Variants in GRM7 observed in about 807,000 individuals in gnomAD.
GRM7 encodes the protein glutamate metabotropic receptor 7.
GRM7 carries 35 observed loss-of-function variants against 84.5 expected under a neutral mutation model. The ratio of observed to expected loss-of-function variants is 0.41; its 90% CI spans 0.32 to 0.55. The LOEUF is 0.55. Ranked by LOEUF, GRM7 falls within the 20% of genes least tolerant of loss-of-function variation. GRM7 has a pLI of 0.19. For synonymous variants in GRM7, 487 were observed against 455.1 expected (o/e 1.07, Z -0.89); for missense variants, 1,003 against 1,194.6 (o/e 0.84, Z 2.36).
At chr3:7,284,813 C>G (rs1699373242) in intron 2 of GRM7, among the ~76,000 whole-genome samples, 1 of 152,002 alleles carries the variant, frequency 6.6e-6, no homozygotes, top group Non-Finnish European at 1.5e-5. Flanking sequence ...CCTCCCCCCT[C>G]TATATTACAA....
chr3:6,989,159 CAA>C (rs915659851), intron 1 of GRM7, among the ~76,000 whole-genome samples: 1 of 152,166 alleles, frequency 6.6e-6, no homozygotes, highest in Non-Finnish European at 1.5e-5. Context: ...GCATTTTACA[CAA>C]AGAGATTTCC....
intron 1 of GRM7, among the ~76,000 whole-genome samples, chr3:6,979,391 C>T (rs527308336): frequency 3.0e-4 from 45 of 152,228 alleles, no homozygotes; most frequent in Admixed American, 2.6e-4. Context: ...TTCACCATGA[C>T]GCTTAGAAAC....
chr3:7,377,257 G>A (rs965870001), intron 4 of GRM7, among the ~76,000 whole-genome samples: 1 of 152,140 alleles, frequency 6.6e-6, no homozygotes, highest in Non-Finnish European at 1.5e-5. Context: ...AATGTGTAGA[G>A]TGGAAGTGTG....
intron 7 of GRM7, among the ~76,000 whole-genome samples, chr3:7,545,403 C>A (rs1693098920): frequency 6.6e-6 from 1 of 152,178 alleles, no homozygotes; most frequent in Admixed American, 6.5e-5. Flanking sequence ...GAGTCTAGTG[C>A]TTGCCCCACT....
At position 7,628,737 on chromosome 3, in the gene GRM7, G is replaced by A. The variant is rs112528616; in HGVS notation, c.2451+49380G>A. ...AGTTGAGAGAGGGGCACTGTTTGCA[G>A]TGGAAGGATAAGAAGTGAAAGCAAT... On this transcript the variant is annotated intron_variant, in intron 8 of 9. Coordinates refer to ENST00000357716, the MANE Select transcript of GRM7 (RefSeq NM_000844.4). 2.1e-3 allele frequency among the ~76,000 whole-genome samples: 326 copies of A among 152,312 alleles called. 5 individuals carry two copies. The highest frequency in any genetic ancestry group is 7.6e-3 in the African/African-American group (314 of 41,574).
intron 4 of GRM7, among the ~76,000 whole-genome samples, chr3:7,308,599 G>A (rs1326778156): frequency 6.6e-6 from 1 of 152,152 alleles, no homozygotes; most frequent in African/African-American, 2.4e-5. Context: ...GTACTAAGGA[G>A]TTTGTTACTT....
chr3:7,202,715 A>G (rs1696106018), intron 2 of GRM7, among the ~76,000 whole-genome samples: 2 of 152,198 alleles, frequency 1.3e-5, no homozygotes, highest in Non-Finnish European at 2.9e-5. Context: ...AACTTTATTG[A>G]AGATATAATC....
chr3:7,608,148 T>C (rs115484986), intron 8 of GRM7: 2,793 of 181,202 alleles, frequency 0.015, 88 homozygotes, highest in African/African-American at 0.063. Context: ...GGCATTCAGG[T>C]TGACTCCATG....
intron 7 of GRM7, among the ~76,000 whole-genome samples, chr3:7,533,658 C>A (rs1259290328): frequency 6.6e-6 from 1 of 152,196 alleles, no homozygotes; most frequent in East Asian, 1.9e-4. Context: ...GAAAAGCAAA[C>A]TTTCCTGATA....
intron 8 of GRM7, among the ~76,000 whole-genome samples, chr3:7,644,591 T>C (rs966013582): frequency 1.3e-5 from 2 of 152,226 alleles, no homozygotes; most frequent in African/African-American, 4.8e-5. Flanking sequence ...CTCACCATGC[T>C]GAAGACTGTA....
intron 8 of GRM7, among the ~76,000 whole-genome samples, chr3:7,604,553 C>T (rs953979439): frequency 1.3e-5 from 2 of 152,072 alleles, no homozygotes; most frequent in Admixed American, 1.3e-4. Context: ...ATGCTCAGAC[C>T]CCGTAAAGCC....
At position 7,715,042 on chromosome 3, in the gene GRM7, G is replaced by A. The variant is rs112060298; in HGVS notation, c.2699-25315G>A. The stretch of plus-strand genomic sequence containing the variant: ...CTTGCAGGAACATAGACATGCCTTC[G>A]ATTTGGGAGATAAATAGCCGATTCT... On this transcript the variant is annotated intron_variant, in intron 9 of 9. Coordinates refer to ENST00000357716, the MANE Select transcript of GRM7 (RefSeq NM_000844.4). 2.1e-4 allele frequency among the ~76,000 whole-genome samples: 32 copies of A among 152,286 alleles called. 1 individual carries two copies. Among genetic ancestry groups the A allele is most frequent in the African/African-American group, 7.2e-4 (30 of 41,564 alleles).
intron 8 of GRM7, among the ~76,000 whole-genome samples, chr3:7,634,793 CAA>C (rs59904264): frequency 0.71 from 97,449 of 137,404 alleles, 33,223 homozygotes; most frequent in South Asian, 0.83. Context: ...GACTCTGTCT[CAA>C]AAAAAAAAAA....
intron 1 of GRM7, among the ~76,000 whole-genome samples, chr3:6,865,685 C>T (rs1305872475): frequency 6.6e-6 from 1 of 151,944 alleles, no homozygotes; most frequent in East Asian, 1.9e-4. Context: ...CAATGTTTTC[C>T]TTCTGTTAAT....
At chr3:7,684,759 G>A (rs1379698592) in intron 9 of GRM7, among the ~76,000 whole-genome samples, 1 of 152,002 alleles carries the variant, frequency 6.6e-6, no homozygotes, top group Non-Finnish European at 1.5e-5. Context: ...CGCACTGCTG[G>A]CATATTAGAT....
chr3:7,384,335 T>A (rs1358249563), intron 4 of GRM7, among the ~76,000 whole-genome samples: 2 of 152,166 alleles, frequency 1.3e-5, no homozygotes, highest in East Asian at 3.8e-4. Flanking sequence ...GGCCGAATAA[T>A]ACATTTGTAT....
chr3:7,475,729 A>AT (rs1698896473), intron 7 of GRM7, among the ~76,000 whole-genome samples: 1 of 152,136 alleles, frequency 6.6e-6, no homozygotes. Context: ...ACCATTGAAG[A>AT]TTTTCTGGAA....
In GRM7 at chr3:7,210,490, A is replaced by C. The variant is rs536321290; in HGVS notation, c.736+63822A>C. On this transcript the variant is annotated intron_variant, in intron 2 of 9. Transcript: ENST00000357716. ...AAGAGGGATGTGAAAGTGTAAGGCC[A>C]GGTGTTACAGAAGGTATGTGTTTTT... 6.6e-5 allele frequency among the ~76,000 whole-genome samples: 10 copies of C among 152,376 alleles called. No homozygotes were observed. The East Asian group carries it at 1.9e-3, about 29-fold the overall frequency.
At chr3:7,344,770 G>A (rs190518179) in intron 4 of GRM7, among the ~76,000 whole-genome samples, 2 of 152,124 alleles carry the variant, frequency 1.3e-5, no homozygotes, top group Admixed American at 6.6e-5. Context: ...GGCTCAGAAG[G>A]TTAGGGGAGG....
Sources: gnomAD v4.1 joint callset for allele counts (sites outside exome capture counted in the v4.1 genomes callset) on GRCh38, gnomAD v4.1.1 for gene constraint, MANE v1.5 for transcripts, NCBI Gene and HGNC (gene_info 2026-07-23, HGNC 2026-07-21) for gene names.